Variants in KIAA1549L observed in about 807,000 individuals in gnomAD.
The protein encoded by KIAA1549L is UPF0606 protein KIAA1549L.
Under a neutral mutation model 160.7 loss-of-function variants are expected in KIAA1549L, and 88 were observed. The ratio of observed to expected loss-of-function variants is 0.55; its 90% CI spans 0.46 to 0.65. The LOEUF is 0.65. Among genes scored for constraint, KIAA1549L ranks in the 30% least tolerant of loss-of-function variants. The pLI is 0.00. For missense variants in KIAA1549L, 2,258 were observed against 2,437.5 expected (o/e 0.93, Z 1.55); for synonymous variants, 950 against 976.7 (o/e 0.97, Z 0.51).
chr11:33,635,381 G>A (rs1851410882), intron 16 of KIAA1549L, among the ~76,000 whole-genome samples: 1 of 152,218 alleles, frequency 6.6e-6, no homozygotes, highest in South Asian at 2.1e-4. Context: ...CGGTCTCTGG[G>A]CCCTTGCCAC....
chr11:33,671,616 A>ACACC lies in KIAA1549L; in HGVS notation c.*3463_*3464insACCC, dbSNP rs1374560127. The ACACC allele has an allele frequency of 6.0e-5, 9 of 150,878 alleles. No homozygotes were observed. The highest frequency in any genetic ancestry group is 2.1e-4 in the South Asian group (1 of 4,674). 9.3% of individuals were successfully genotyped at this position (150,878 alleles called of 1,614,324 possible). A position where few individuals can be genotyped will look rare whatever the true frequency, so the allele number is the denominator to read the frequency against. On this transcript the variant is annotated 3_prime_UTR_variant, in exon 21 of 21. Coordinates refer to ENST00000658780, the MANE Select transcript of KIAA1549L (RefSeq NM_012194.3). ...CACACACACACACACACACACACAC[A>ACACC]CCCTACTTCGGAGAGAGAATGTAGA...
chr11:33,385,044 C>G (rs571052051), intron 1 of KIAA1549L, among the ~76,000 whole-genome samples: 1 of 151,864 alleles, frequency 6.6e-6, no homozygotes, highest in South Asian at 2.1e-4. Flanking sequence ...TAGAAATTGC[C>G]TAATGTGTGC....
intron 1 of KIAA1549L, among the ~76,000 whole-genome samples, chr11:33,493,110 A>G (rs2133070876): frequency 6.6e-6 from 1 of 152,242 alleles, no homozygotes; most frequent in South Asian, 2.1e-4. Flanking sequence ...GGCTCAGTGC[A>G]GCAGTGGTGA....
intron 1 of KIAA1549L, among the ~76,000 whole-genome samples, chr11:33,386,500 G>C (rs766250515): frequency 1.3e-5 from 2 of 151,924 alleles, no homozygotes; most frequent in Non-Finnish European, 2.9e-5. Flanking sequence ...GGCCAACATG[G>C]TGAAACCCTG....
At chr11:33,395,632 C>T (rs1461689873) in intron 1 of KIAA1549L, among the ~76,000 whole-genome samples, 2 of 151,982 alleles carry the variant, frequency 1.3e-5, no homozygotes, top group South Asian at 2.1e-4. Flanking sequence ...AAGGAGAAAA[C>T]GTAACATGTT....
intron 1 of KIAA1549L, among the ~76,000 whole-genome samples, chr11:33,408,224 A>G (rs1459299191): frequency 6.6e-6 from 1 of 152,124 alleles, no homozygotes; most frequent in East Asian, 1.9e-4. Flanking sequence ...CTGAGCTAAT[A>G]CATTCTGGAG....
chr11:33,471,233 T>C (rs570625770), intron 1 of KIAA1549L, among the ~76,000 whole-genome samples: 1 of 149,104 alleles, frequency 6.7e-6, no homozygotes, highest in Non-Finnish European at 1.5e-5. Context: ...TTTTTTTTTT[T>C]CAACATTCTC....
intron 16 of KIAA1549L, among the ~76,000 whole-genome samples, chr11:33,630,445 A>G (rs1851249528): frequency 6.6e-6 from 1 of 152,264 alleles, no homozygotes; most frequent in Non-Finnish European, 1.5e-5. Flanking sequence ...CCGTGGGCGT[A>G]GGCCCCTCCG....
chr11:33,408,075 T>C (rs1051662007), intron 1 of KIAA1549L, among the ~76,000 whole-genome samples: 1 of 152,224 alleles, frequency 6.6e-6, no homozygotes. Context: ...AATTTTACCT[T>C]GTTGTTTAAT....
At chr11:33,431,452 G>A (rs1851240938) in intron 1 of KIAA1549L, among the ~76,000 whole-genome samples, 2 of 152,150 alleles carry the variant, frequency 1.3e-5, no homozygotes, top group Admixed American at 1.3e-4. Flanking sequence ...CATCAGATTA[G>A]TTAGATACAG....
chr11:33,510,772 C>G (rs544868739), intron 1 of KIAA1549L, among the ~76,000 whole-genome samples: 5 of 152,224 alleles, frequency 3.3e-5, no homozygotes, highest in African/African-American at 1.2e-4. Flanking sequence ...GTGCAGAGGC[C>G]GCTCCAGTGG....
At chr11:33,532,051 T>A (rs1853786023) in intron 1 of KIAA1549L, among the ~76,000 whole-genome samples, 1 of 152,096 alleles carries the variant, frequency 6.6e-6, no homozygotes, top group Non-Finnish European at 1.5e-5. Flanking sequence ...TCCCACGTGG[T>A]GCAGAGAGCC....
At chr11:33,382,852 C>T (rs187669001) in intron 1 of KIAA1549L, among the ~76,000 whole-genome samples, 276 of 151,988 alleles carry the variant, frequency 1.8e-3, no homozygotes, top group African/African-American at 6.3e-3. Flanking sequence ...TGGCCCTCCT[C>T]GGGGGACTGA....
At chr11:33,582,394 C>T (rs562295060) in intron 10 of KIAA1549L, among the ~76,000 whole-genome samples, 12 of 152,146 alleles carry the variant, frequency 7.9e-5, no homozygotes, top group Non-Finnish European at 1.5e-4. Flanking sequence ...AGGGTCTGGG[C>T]CTCAGTTTTG....
intron 1 of KIAA1549L, among the ~76,000 whole-genome samples, chr11:33,491,324 G>A (rs983797637): frequency 3.9e-5 from 6 of 152,244 alleles, no homozygotes; most frequent in South Asian, 4.2e-4. Flanking sequence ...GGTACTACAC[G>A]GTTCACATGG....
At chr11:33,600,939 T>C (rs1732907819) in intron 13 of KIAA1549L, among the ~76,000 whole-genome samples, 1 of 152,020 alleles carries the variant, frequency 6.6e-6, no homozygotes, top group South Asian at 2.1e-4. Context: ...ACCCCGTCAC[T>C]CCCCACTTAG....
chr11:33,541,328 C>T (rs546330775), intron 1 of KIAA1549L, among the ~76,000 whole-genome samples: 1 of 152,168 alleles, frequency 6.6e-6, no homozygotes, highest in South Asian at 2.1e-4. Flanking sequence ...TTCATTGGAG[C>T]CATCTTTCCA....
Position 33,542,721 on chromosome 11 carries a change from C to G in KIAA1549L, c.1158C>G (p.Thr386=), listed in dbSNP as rs747721627. 6 of 1,613,884 alleles carry G rather than the reference C, an allele frequency of 3.7e-6. No individual in the cohort carries two copies. Among genetic ancestry groups the G allele is most frequent in the African/African-American group, 1.3e-5 (1 of 74,934 alleles). ...MLEVASGPAS[T]QQIKAGVPGR... ...AAGTGGCTTCAGGTCCTGCATCCACCCAGCAGATCAAAGCTGGGGTGCCTG... is the reference window on the plus strand; with the variant it reads ...AAGTGGCTTCAGGTCCTGCATCCACGCAGCAGATCAAAGCTGGGGTGCCTG... Residue 386 remains threonine, a synonymous_variant, in exon 2 of 21, where the codon ACC becomes ACG. Coordinates refer to ENST00000658780, the MANE Select transcript of KIAA1549L (RefSeq NM_012194.3).
chr11:33,388,358 C>G (rs1477328926), intron 1 of KIAA1549L, among the ~76,000 whole-genome samples: 2 of 152,086 alleles, frequency 1.3e-5, no homozygotes, highest in Non-Finnish European at 2.9e-5. Context: ...GTAACTGCCC[C>G]CATGATTCAG....
Sources: gnomAD v4.1 joint callset for allele counts (sites outside exome capture counted in the v4.1 genomes callset) on GRCh38, gnomAD v4.1.1 for gene constraint, MANE v1.5 for transcripts, NCBI Gene and HGNC (gene_info 2026-07-23, HGNC 2026-07-21) for gene names.